Variants in TLE3 observed in about 807,000 individuals in gnomAD.
The protein encoded by TLE3 is transducin-like enhancer protein 3.
In TLE3, 14 loss-of-function variants were observed where a neutral mutation model predicts 93.0. The observed-to-expected ratio is 0.15, with a 90% CI of 0.10 to 0.24. TLE3 has a LOEUF of 0.24. TLE3 is among the 10% of genes least tolerant of loss of function. TLE3 has a pLI of 1.00. For missense variants in TLE3, 693 were observed against 1,046.6 expected, an observed-to-expected ratio of 0.66 and a Z score of 4.66; for synonymous variants, 451 against 425.0, an observed-to-expected ratio of 1.06 and a Z score of -0.75.
chr15:70,076,774 A>C (rs552255080), intron 4 of TLE3, among the ~76,000 whole-genome samples: 2 of 152,070 alleles, frequency 1.3e-5, no homozygotes, highest in South Asian at 4.1e-4. Flanking sequence ...AGGCTGGTGT[A>C]CAGTGGTATG....
chr15:70,052,411 G>A lies in TLE3; in HGVS notation c.2088C>T (p.His696=), dbSNP rs754960488. 1.2e-5 allele frequency: 19 copies of A among 1,613,876 alleles called. No homozygotes were observed. In the East Asian group the frequency reaches 1.3e-4, roughly 11 times the overall value. ...ACTTGAGGGAGAGCACGCAGCTCTC[G>A]TGCAGGTGCAGCTGGTACTTGTCAG... ...TKPDKYQLHL[H]ESCVLSLKFA... Residue 696 remains histidine (H), a synonymous_variant, in exon 18 of 20, where the codon CAC becomes CAT. Coordinates refer to ENST00000451782, the MANE Select transcript of TLE3 (RefSeq NM_001105192.3).
chr15:70,090,043 G>A (rs986726831), intron 4 of TLE3, among the ~76,000 whole-genome samples: 6 of 152,136 alleles, frequency 3.9e-5, no homozygotes, highest in African/African-American at 1.4e-4. Context: ...TGCACAAGAA[G>A]GAAAAGACCC....
intron 6 of TLE3, among the ~76,000 whole-genome samples, chr15:70,073,620 T>C (rs1268023333): frequency 6.6e-6 from 1 of 152,240 alleles, no homozygotes; most frequent in Non-Finnish European, 1.5e-5. Flanking sequence ...CCCCTGTATC[T>C]GTACCGTCCA....
At chr15:70,088,518 T>G (rs556448955) in intron 4 of TLE3, among the ~76,000 whole-genome samples, 1 of 152,328 alleles carries the variant, frequency 6.6e-6, no homozygotes, top group Non-Finnish European at 1.5e-5. Context: ...AGAGCATTTG[T>G]TGAAAACAAG....
chr15:70,085,991 G>A (rs980470174), intron 4 of TLE3, among the ~76,000 whole-genome samples: 1 of 152,154 alleles, frequency 6.6e-6, no homozygotes, highest in Admixed American at 6.5e-5. Flanking sequence ...AGCAGGTAAG[G>A]GTTTAAGGAT....
In TLE3 at chr15:70,055,220, G is replaced by C; in HGVS notation, c.1407C>G (p.Gly469=). 1 of 1,613,366 alleles carries C rather than the reference G, an allele frequency of 6.2e-7. No individual in the cohort carries two copies. The highest frequency in any genetic ancestry group is 8.5e-7 in the Non-Finnish European group (1 of 1,179,740). The change falls in exon 15 of 20, where the codon GGC becomes GGG. Residue 469 remains glycine (G), a synonymous_variant. Transcript: ENST00000451782. ...PFPHDALAGP[G]IPRHARQINT... The stretch of plus-strand genomic sequence containing the variant: ...TGATCTGCCGGGCGTGCCTCGGGAT[G>C]CCGGGGCCTGCCAGGGCGTCGTGGG...
chr15:70,065,869 C>T, intron 7 of TLE3, 145 bp downstream of exon 7: 1 of 863,074 alleles, frequency 1.2e-6, no homozygotes, highest in South Asian at 1.7e-5. Context: ...GGCTTCCCTG[C>T]ACCAGGTATC....
At position 70,049,981 on chromosome 15, in the gene TLE3, C is replaced by A. The variant is rs765831865; in HGVS notation, c.*116G>T. 8.5e-6 allele frequency: 7 copies of A among 823,232 alleles called. No homozygotes were observed. Among genetic ancestry groups the A allele is most frequent in the African/African-American group, 3.4e-5 (2 of 59,322 alleles). 51.0% of individuals were successfully genotyped at this position (823,232 alleles called of 1,614,324 possible). A position where few individuals can be genotyped will look rare whatever the true frequency, so the allele number is the denominator to read the frequency against. On this transcript the variant is annotated 3_prime_UTR_variant, in exon 20 of 20. Transcript: ENST00000451782. ...CAGCCGGCCGGAGCGCAGCCCTGAA[C>A]GCTCGGCTGCCTGCGGCCCATCCTC...
chr15:70,080,026 C>G (rs917867198), intron 4 of TLE3, among the ~76,000 whole-genome samples: 6 of 149,032 alleles, frequency 4.0e-5, no homozygotes, highest in African/African-American at 1.5e-4. Context: ...GCATTGGATC[C>G]AACTCAAACA....
At chr15:70,089,020 T>C (rs1165922615) in intron 4 of TLE3, among the ~76,000 whole-genome samples, 1 of 152,084 alleles carries the variant, frequency 6.6e-6, no homozygotes, top group Non-Finnish European at 1.5e-5. Flanking sequence ...TGCTGCAAAA[T>C]GTCACCACCT....
intron 8 of TLE3, among the ~76,000 whole-genome samples, chr15:70,061,729 C>T (rs1358031197): frequency 1.3e-5 from 2 of 152,212 alleles, no homozygotes; most frequent in Admixed American, 1.3e-4. Flanking sequence ...AATTTCCGAG[C>T]AGCTGCCCTG....
At chr15:70,068,599 A>G (rs1389355287) in intron 6 of TLE3, among the ~76,000 whole-genome samples, 1 of 152,248 alleles carries the variant, frequency 6.6e-6, no homozygotes, top group Non-Finnish European at 1.5e-5. Context: ...GAGACAAAGA[A>G]GAGGAGGGGA....
At chr15:70,072,697 G>A (rs1483523655) in intron 6 of TLE3, among the ~76,000 whole-genome samples, 1 of 152,176 alleles carries the variant, frequency 6.6e-6, no homozygotes, top group African/African-American at 2.4e-5. Context: ...TAGATCAGAG[G>A]TTCTTAACCA....
At chr15:70,078,921 G>A (rs998110579) in intron 4 of TLE3, among the ~76,000 whole-genome samples, 2 of 152,186 alleles carry the variant, frequency 1.3e-5, no homozygotes, top group Non-Finnish European at 2.9e-5. Context: ...CAAGGGTCAG[G>A]GTCTCGGGAG....
chr15:70,071,994 C>T (rs2057200414), intron 6 of TLE3, among the ~76,000 whole-genome samples: 1 of 152,244 alleles, frequency 6.6e-6, no homozygotes, highest in Admixed American at 6.5e-5. Context: ...AGCACGGCTC[C>T]CCAGTGCGAG....
chr15:70,060,745 G>A (rs1189773197), intron 8 of TLE3, 96 bp from the exon 9 acceptor site: 2 of 1,563,086 alleles, frequency 1.3e-6, no homozygotes, highest in Admixed American at 3.5e-5. Context: ...ACGGAGGTCA[G>A]GGGAGGGAAG....
intron 4 of TLE3, among the ~76,000 whole-genome samples, chr15:70,083,383 T>C (rs2141936275): frequency 6.6e-6 from 1 of 152,292 alleles, no homozygotes; most frequent in African/African-American, 2.4e-5. Flanking sequence ...CACACTAAAC[T>C]CTGCTTGCCT....
chr15:70,053,490 ATGCGCATGG>A, intron 16 of TLE3, 116 bp from the exon 17 acceptor site: 1 of 1,225,320 alleles, frequency 8.2e-7, no homozygotes, highest in Non-Finnish European at 1.1e-6. Context: ...AGAGTGCACT[ATGCGCATGG>A]TCCCTTAGCG....
At chr15:70,083,151 G>A (rs2057868179) in intron 4 of TLE3, among the ~76,000 whole-genome samples, 1 of 152,150 alleles carries the variant, frequency 6.6e-6, no homozygotes, top group Non-Finnish European at 1.5e-5. Context: ...AAATGAATTA[G>A]GTGCTGTGTG....
Sources: gnomAD v4.1 joint callset for allele counts (sites outside exome capture counted in the v4.1 genomes callset) on GRCh38, gnomAD v4.1.1 for gene constraint, MANE v1.5 for transcripts, NCBI Gene and HGNC (gene_info 2026-07-23, HGNC 2026-07-21) for gene names.